The following NPIPB11 variants were observed in gnomAD, a reference collection of about 807,000 sequenced individuals.
The protein encoded by NPIPB11 is nuclear pore complex interacting protein family member B11, also known as nuclear pore complex-interacting protein family member B11.
In NPIPB11, 17 loss-of-function variants were observed where a neutral mutation model predicts 32.8. That is an observed-to-expected ratio of 0.52 (90% CI 0.35 to 0.78). NPIPB11 has a LOEUF of 0.78. NPIPB11 is among the 30% of genes least tolerant of loss of function. The probability of loss-of-function intolerance (pLI) is 0.01; values close to 1 mark genes in which losing one functional copy is unlikely to be tolerated. For missense variants in NPIPB11, 537 were observed against 1,000.4 expected (o/e 0.54, Z 6.25); for synonymous variants, 209 against 398.4 (o/e 0.52, Z 5.66).
rs754627819 is a variant in NPIPB11, at chr16:29,383,122, T to G, written c.1810A>C (p.Ser604Arg). ...GGGTGGAAGGGGAGTGAGCTGACGC[T>G]CGGAAGGTCTCTTGAGATTATCATC... is the stretch of plus-strand genomic sequence containing the variant. Residue 604 changes from serine (S) to arginine (R), a missense_variant, in exon 8 of 8, where the codon AGC becomes CGC. Coordinates refer to ENST00000524087, the Ensembl canonical transcript of NPIPB11. The G allele has an allele frequency of 1.0e-5, 16 of 1,592,282 alleles. No individual in the cohort carries two copies. The Middle Eastern group carries it at 9.2e-4, about 91-fold the overall frequency.
rs188602020 is a variant in NPIPB11, at chr16:29,383,115, C to T, written c.1817G>A (p.Ser606Asn). 3.1e-4 allele frequency: 495 copies of T among 1,591,508 alleles called. 1 individual carries two copies. The highest frequency in any genetic ancestry group is 5.5e-4 in the Admixed American group (32 of 58,160). ...GAGCTGAGGGTGGAAGGGGAGTGAG[C>T]TGACGCTCGGAAGGTCTCTTGAGAT... The change falls in exon 8 of 8, where the codon AGC (serine) becomes AAC (asparagine). Residue 606 changes from serine (S) to asparagine (N), a missense_variant. Transcript: ENST00000524087.
upstream of NPIPB11, among the ~76,000 whole-genome samples, chr16:29,405,578 C>T (rs1363250354): frequency 2.9e-4 from 44 of 152,042 alleles, no homozygotes; most frequent in Non-Finnish European, 4.3e-4. Flanking sequence ...AACTGAGTCT[C>T]GGAATGATGA....
chr16:29,389,841 G>T, intron 5 of NPIPB11, 100 bp downstream of exon 5: 2 of 1,561,476 alleles, frequency 1.3e-6, no homozygotes. Flanking sequence ...TACTGAATTT[G>T]CCACAAATAT....
chr16:29,391,643 C>G (rs1476987004), intron 3 of NPIPB11, among the ~76,000 whole-genome samples: 34 of 152,184 alleles, frequency 2.2e-4, no homozygotes, highest in East Asian at 1.7e-3. Context: ...TTAAATATTT[C>G]TTCTCATCAT....
exon 3 of NPIPB11, chr16:29,394,023 A>C: frequency 6.3e-7 from 1 of 1,599,498 alleles, no homozygotes; most frequent in Non-Finnish European, 8.5e-7. Context: ...GTAACCAAGG[A>C]CTTCCACCAA....
At chr16:29,393,963 C>G (rs1264061141) in exon 3 of NPIPB11, 8 of 1,598,786 alleles carry the variant, frequency 5.0e-6, no homozygotes, top group Non-Finnish European at 6.8e-6. Flanking sequence ...GGTAAACTAT[C>G]CAGAGGGTAA....
At chr16:29,406,551 T>TA (rs1260440664), upstream of NPIPB11, among the ~76,000 whole-genome samples, 2 of 152,108 alleles carry the variant, frequency 1.3e-5, no homozygotes, top group African/African-American at 4.8e-5. Context: ...CTGTCTCCAC[T>TA]AAAAATACAA....
At chr16:29,398,915 T>A (rs1963923842) in intron 2 of NPIPB11, among the ~76,000 whole-genome samples, 2 of 151,980 alleles carry the variant, frequency 1.3e-5, no homozygotes, top group South Asian at 4.2e-4. Flanking sequence ...ATAATCATCT[T>A]ACTGCCTGTG....
intron 5 of NPIPB11, among the ~76,000 whole-genome samples, chr16:29,389,210 A>AAT (rs981775681): frequency 8.9e-6 from 1 of 111,898 alleles, no homozygotes; most frequent in Non-Finnish European, 2.0e-5. Flanking sequence ...AAAAAAAAAA[A>AAT]AAAAATTGGT....
intron 2 of NPIPB11, among the ~76,000 whole-genome samples, chr16:29,402,627 C>A (rs1215130808): frequency 7.2e-6 from 1 of 138,810 alleles, no homozygotes; most frequent in Non-Finnish European, 1.5e-5. Context: ...TGCTTGAACC[C>A]GGGAGACGGA....
chr16:29,393,424 T>C (rs1567272764), intron 3 of NPIPB11, among the ~76,000 whole-genome samples: 1 of 151,930 alleles, frequency 6.6e-6, no homozygotes, highest in Non-Finnish European at 1.5e-5. Flanking sequence ...TCTCCATCTA[T>C]CTCCCTCTCC....
At chr16:29,389,161 C>T (rs1193474482) in intron 5 of NPIPB11, among the ~76,000 whole-genome samples, 1 of 145,376 alleles carries the variant, frequency 6.9e-6, no homozygotes, top group African/African-American at 2.6e-5. Flanking sequence ...TGCCACTGCA[C>T]TCTAGCCTGG....
At chr16:29,394,116 C>A (rs1963791123) in intron 2 of NPIPB11, 40 bp from the exon 3 acceptor site, 1 of 1,586,836 alleles carries the variant, frequency 6.3e-7, no homozygotes, top group Non-Finnish European at 8.5e-7. Context: ...AGGTCAATGA[C>A]ACTGACAATA....
intron 2 of NPIPB11, among the ~76,000 whole-genome samples, chr16:29,400,722 C>T (rs1963968297): frequency 6.6e-6 from 1 of 152,022 alleles, no homozygotes; most frequent in African/African-American, 2.4e-5. Context: ...TGGTAGGACT[C>T]CTGGGTCCCC....
At chr16:29,404,438 T>C (rs1964066999), upstream of NPIPB11, among the ~76,000 whole-genome samples, 1 of 98,830 alleles carries the variant, frequency 1.0e-5, no homozygotes, top group Non-Finnish European at 2.1e-5. Flanking sequence ...CTATATATAA[T>C]GAGAATCCTT....
chr16:29,395,717 C>A (rs1334868834), intron 2 of NPIPB11, among the ~76,000 whole-genome samples: 1 of 150,810 alleles, frequency 6.6e-6, no homozygotes, highest in South Asian at 2.1e-4. Context: ...TGGTGGCTCA[C>A]GCCTGCAATC....
chr16:29,400,038 T>C (rs1367569670), intron 2 of NPIPB11, among the ~76,000 whole-genome samples: 1 of 151,816 alleles, frequency 6.6e-6, no homozygotes, highest in Admixed American at 6.6e-5. Context: ...GATCGTGCCA[T>C]TCCACTCCAG....
intron 2 of NPIPB11, 43 bp from the exon 3 acceptor site, chr16:29,394,119 T>G (rs544671289): frequency 1.3e-6 from 2 of 1,584,182 alleles, no homozygotes; most frequent in Non-Finnish European, 1.7e-6. Context: ...TCAATGACAC[T>G]GACAATATTT....
intron 2 of NPIPB11, among the ~76,000 whole-genome samples, chr16:29,401,678 T>C (rs1389484976): frequency 2.0e-5 from 3 of 152,166 alleles, no homozygotes; most frequent in African/African-American, 7.2e-5. Flanking sequence ...GGGATTTGCT[T>C]TGACCCAAGA....
Sources: gnomAD v4.1 joint callset for allele counts (sites outside exome capture counted in the v4.1 genomes callset) on GRCh38, gnomAD v4.1.1 for gene constraint, MANE v1.5 for transcripts, NCBI Gene and HGNC (gene_info 2026-07-23, HGNC 2026-07-21) for gene names.